CA8: variants seen among roughly 807,000 people sequenced by gnomAD.
CA8 encodes carbonic anhydrase 8 (inactive).
CA8 carries 22 observed loss-of-function variants against 41.4 expected under a neutral mutation model. The observed-to-expected ratio is 0.53, with a 90% confidence interval of 0.38 to 0.76. The LOEUF (loss-of-function observed/expected upper bound fraction) is 0.76, where lower values mean the gene tolerates loss of function less well. CA8 is among the 30% of genes least tolerant of loss of function. The pLI is 0.00. For synonymous variants in CA8, 121 were observed against 130.6 expected (o/e 0.93, Z 0.50); for missense variants, 270 against 352.8 (o/e 0.77, Z 1.88).
At chr8:60,201,583 T>A (rs73683376) in intron 8 of CA8, among the ~76,000 whole-genome samples, 2,810 of 152,274 alleles carry the variant, frequency 0.018, 81 homozygotes, top group African/African-American at 0.062. Context: ...CCTTAAAAAA[T>A]GTATCATTTT....
intron 3 of CA8, among the ~76,000 whole-genome samples, chr8:60,256,184 A>G (rs777116089): frequency 3.9e-5 from 6 of 152,200 alleles, no homozygotes; most frequent in Non-Finnish European, 5.9e-5. Context: ...TGCTAGGATT[A>G]CAGGCATGAG....
Position 60,188,078 on chromosome 8 carries a change from A to G in CA8, c.*1943T>C, listed in dbSNP as rs1265772974. The G allele has an allele frequency of 1.3e-5, 2 of 152,212 alleles. No homozygotes were observed. Among genetic ancestry groups the G allele is most frequent in the Non-Finnish European group, 2.9e-5 (2 of 68,040 alleles). The allele number at this position is 152,212 out of a possible 1,614,324, so 9.4% of individuals were successfully genotyped here. On this transcript the variant is annotated 3_prime_UTR_variant, in exon 9 of 9. Coordinates refer to ENST00000317995, the MANE Select transcript of CA8 (RefSeq NM_004056.6). ...ATTATGCCTCCAAACAATGTCACCAATGGACACCATGATCTGAACCAAGTA... is the reference window on the plus strand; with the variant it reads ...ATTATGCCTCCAAACAATGTCACCAGTGGACACCATGATCTGAACCAAGTA...
Position 60,251,175 on chromosome 8 carries a change from G to A in CA8, c.417+14750C>T, listed in dbSNP as rs537971658. On this transcript the variant is annotated intron_variant, in intron 3 of 8. Coordinates refer to ENST00000317995, the MANE Select transcript of CA8 (RefSeq NM_004056.6). Reference sequence around the variant, plus strand: ...CAAAGATGCTAAAGAAGTAAGCCATGTGGCTATCTGGGGGCAAGGTGGGAG... The same window carrying A: ...CAAAGATGCTAAAGAAGTAAGCCATATGGCTATCTGGGGGCAAGGTGGGAG... Among the ~76,000 whole-genome samples the A allele has an allele frequency of 2.0e-5, 3 of 152,330 alleles. No individual in the cohort carries two copies. The South Asian group carries it at 6.2e-4, about 32-fold the overall frequency.
chr8:60,270,489 C>T (rs1291671210), intron 2 of CA8, among the ~76,000 whole-genome samples: 1 of 150,526 alleles, frequency 6.6e-6, no homozygotes, highest in Admixed American at 6.6e-5. Context: ...GATCTCGGCT[C>T]ACTGCAACCT....
intron 8 of CA8, among the ~76,000 whole-genome samples, chr8:60,205,459 A>G (rs972956917): frequency 2.6e-5 from 4 of 152,158 alleles, no homozygotes; most frequent in African/African-American, 9.7e-5. Flanking sequence ...AGTAAACTGG[A>G]CCTTAAACTT....
chr8:60,260,187 T>G (rs997513588), intron 3 of CA8, among the ~76,000 whole-genome samples: 1 of 152,170 alleles, frequency 6.6e-6, no homozygotes. Context: ...TTTCTGAGGT[T>G]GTGGCCCTGA....
At chr8:60,235,099 A>C (rs965066278) in intron 3 of CA8, among the ~76,000 whole-genome samples, 1 of 152,184 alleles carries the variant, frequency 6.6e-6, no homozygotes, top group Non-Finnish European at 1.5e-5. Context: ...CATCTGTATG[A>C]GTCTGCTAGG....
chr8:60,238,098 C>A (rs1053960896), intron 3 of CA8, among the ~76,000 whole-genome samples: 1 of 152,160 alleles, frequency 6.6e-6, no homozygotes, highest in Non-Finnish European at 1.5e-5. Flanking sequence ...ACCTGTGAAA[C>A]GTTCAAAACG....
chr8:60,257,621 T>C (rs150742164), intron 3 of CA8, among the ~76,000 whole-genome samples: 74 of 152,220 alleles, frequency 4.9e-4, no homozygotes, highest in African/African-American at 1.8e-3. Flanking sequence ...TTCTCTAGCG[T>C]CTCTTCAGAA....
At chr8:60,267,399 T>G (rs1803936522) in intron 2 of CA8, among the ~76,000 whole-genome samples, 1 of 152,192 alleles carries the variant, frequency 6.6e-6, no homozygotes. Context: ...AAGAAGTAAC[T>G]TTAATTTTTT....
chr8:60,232,918 C>T (rs1054019673), intron 3 of CA8, among the ~76,000 whole-genome samples: 4 of 152,082 alleles, frequency 2.6e-5, no homozygotes, highest in African/African-American at 9.7e-5. Flanking sequence ...ATAATAAATG[C>T]TGATGTAAAT....
At chr8:60,280,629 C>G (rs1221249691) in intron 1 of CA8, among the ~76,000 whole-genome samples, 1 of 152,232 alleles carries the variant, frequency 6.6e-6, no homozygotes, top group Non-Finnish European at 1.5e-5. Context: ...GAGGCAGAAA[C>G]ACTTTCTCCC....
chr8:60,203,980 T>C (rs557793309), intron 8 of CA8, among the ~76,000 whole-genome samples: 25 of 152,328 alleles, frequency 1.6e-4, no homozygotes, highest in African/African-American at 5.8e-4. Flanking sequence ...GTGAGGTCTG[T>C]TGGAACATTT....
At chr8:60,243,884 G>C (rs1053198543) in intron 3 of CA8, among the ~76,000 whole-genome samples, 1 of 152,108 alleles carries the variant, frequency 6.6e-6, no homozygotes, top group African/African-American at 2.4e-5. Flanking sequence ...GCATGTTCTT[G>C]ATGGCTGTTC....
At chr8:60,225,313 C>T (rs1807393981) in intron 5 of CA8, among the ~76,000 whole-genome samples, 1 of 152,106 alleles carries the variant, frequency 6.6e-6, no homozygotes, top group Non-Finnish European at 1.5e-5. Context: ...GATACAGATG[C>T]AATAGGGAAA....
chr8:60,248,934 C>G (rs1191170951), intron 3 of CA8, among the ~76,000 whole-genome samples: 1 of 152,008 alleles, frequency 6.6e-6, no homozygotes, highest in Non-Finnish European at 1.5e-5. Flanking sequence ...TCTCTTATTT[C>G]TTGAGCAGTG....
At chr8:60,267,822 T>G (rs143591800) in intron 2 of CA8, among the ~76,000 whole-genome samples, 171 of 152,310 alleles carry the variant, frequency 1.1e-3, no homozygotes, top group African/African-American at 3.9e-3. Context: ...CAGAACAATC[T>G]AAAAAACTTT....
Position 60,226,935 on chromosome 8 carries a change from T to C in CA8, c.514A>G (p.Ile172Val), listed in dbSNP as rs748661325. Residue 172 changes from isoleucine (I) to valine (V), a missense_variant and splice_region_variant, in exon 5 of 9, where the codon ATA becomes GTA. Ile to Val is a conservative substitution (Grantham distance 29). This residue lies in a region of CA8 where 141 missense variants were observed against 191.6 expected (regional missense o/e 0.74). Coordinates refer to ENST00000317995, the MANE Select transcript of CA8 (RefSeq NM_004056.6). The stretch of plus-strand genomic sequence containing the variant: ...TTCAAGCCAACATGTTCCTTTCCTA[T>C]CTGAAAAACATAAAGCATAAACCAC... Reference protein sequence around the residue: ...GIAIIALFVQIGKEHVGLKAV... With the variant: ...GIAIIALFVQVGKEHVGLKAV... The C allele has an allele frequency of 8.1e-6, 13 of 1,599,966 alleles. No individual in the cohort carries two copies. Among genetic ancestry groups the C allele is most frequent in the Non-Finnish European group, 1.1e-5 (13 of 1,167,700 alleles).
intron 3 of CA8, among the ~76,000 whole-genome samples, chr8:60,240,495 A>G (rs1307187884): frequency 6.6e-6 from 1 of 152,240 alleles, no homozygotes; most frequent in Non-Finnish European, 1.5e-5. Context: ...GTTAAAAGTA[A>G]AACTGGAGAG....
Sources: gnomAD v4.1 joint callset for allele counts (sites outside exome capture counted in the v4.1 genomes callset) on GRCh38, gnomAD v4.1.1 for gene constraint, gnomAD v4.1.1 regional missense constraint, MANE v1.5 for transcripts, NCBI Gene and HGNC (gene_info 2026-07-23, HGNC 2026-07-21) for gene names.